Variants in NAALADL2 observed in about 807,000 individuals in gnomAD.
The protein encoded by NAALADL2 is inactive N-acetylated-alpha-linked acidic dipeptidase-like protein 2.
A neutral mutation model predicts 87.2 loss-of-function variants in NAALADL2; 76 were observed. That is an observed-to-expected ratio of 0.87 (90% CI 0.72 to 1.05). NAALADL2 has a LOEUF of 1.05. NAALADL2 is among the 50% of genes least tolerant of loss of function. The probability of loss-of-function intolerance (pLI) is 0.00; values close to 1 mark genes in which losing one functional copy is unlikely to be tolerated. For synonymous variants in NAALADL2, 354 were observed against 331.0 expected (o/e 1.07, Z -0.75); for missense variants, 1,089 against 945.8 (o/e 1.15, Z -1.99).
At chr3:174,685,699 A>G (rs1480521893) in intron 2 of NAALADL2, among the ~76,000 whole-genome samples, 1 of 151,924 alleles carries the variant, frequency 6.6e-6, no homozygotes, top group Non-Finnish European at 1.5e-5. Flanking sequence ...GTTCAGGGGT[A>G]CATTTGCAGA....
At chr3:175,314,562 AC>A (rs1446624506) in intron 4 of NAALADL2, among the ~76,000 whole-genome samples, 35 of 40,552 alleles carry the variant, frequency 8.6e-4, no homozygotes, top group Non-Finnish European at 1.3e-3. Flanking sequence ...TCACATTCTA[AC>A]TATATATATA....
chr3:175,620,155 C>T (rs2149697281), intron 10 of NAALADL2, among the ~76,000 whole-genome samples: 1 of 152,184 alleles, frequency 6.6e-6, no homozygotes, highest in African/African-American at 2.4e-5. Context: ...CCAGAAATGA[C>T]ATAGGATTCC....
chr3:175,034,005 T>C (rs1010736342), intron 1 of NAALADL2, among the ~76,000 whole-genome samples: 2 of 152,160 alleles, frequency 1.3e-5, no homozygotes, highest in African/African-American at 4.8e-5. Flanking sequence ...ATTCTTCTTG[T>C]AGTCTTCTCC....
intron 2 of NAALADL2, among the ~76,000 whole-genome samples, chr3:175,141,265 CTGAG>C (rs1246522446): frequency 6.6e-6 from 1 of 152,048 alleles, no homozygotes; most frequent in Non-Finnish European, 1.5e-5. Flanking sequence ...TGTTATCAAC[CTGAG>C]AATGTTCATA....
rs868082513 is a variant in NAALADL2, at chr3:174,812,209, A to G, written c.-9+74463A>G. Among the ~76,000 whole-genome samples, 3 of 152,252 alleles carry G rather than the reference A, an allele frequency of 2.0e-5. No individual in the cohort carries two copies. In the East Asian group the frequency reaches 5.8e-4, roughly 29 times the overall value. The stretch of plus-strand genomic sequence containing the variant: ...TGCTTATTGTTCTGAACCATATTTC[A>G]TGAGTCTATTTATATAGATCTTGCT... On this transcript the variant is annotated intron_variant, in intron 3 of 3. Coordinates refer to the NAALADL2 transcript ENST00000434257.
At chr3:175,761,749 T>A (rs1413114329) in intron 13 of NAALADL2, among the ~76,000 whole-genome samples, 1 of 152,220 alleles carries the variant, frequency 6.6e-6, no homozygotes, top group African/African-American at 2.4e-5. Context: ...CCCAATGATA[T>A]ATGATGTTTT....
intron 3 of NAALADL2, among the ~76,000 whole-genome samples, chr3:175,255,245 A>G (rs910740249): frequency 2.6e-5 from 4 of 152,228 alleles, no homozygotes; most frequent in Non-Finnish European, 5.9e-5. Context: ...GGCTGAAGAA[A>G]TATTTCATGC....
intron 11 of NAALADL2, among the ~76,000 whole-genome samples, chr3:175,638,013 G>A (rs1176995099): frequency 6.6e-6 from 1 of 151,926 alleles, no homozygotes; most frequent in Non-Finnish European, 1.5e-5. Context: ...TGTGACATTT[G>A]GAATAATTTT....
chr3:175,324,036 A>AAC (rs1760342262), intron 4 of NAALADL2, 139 bp from the exon 5 acceptor site: 1 of 652,830 alleles, frequency 1.5e-6, no homozygotes, highest in African/African-American at 2.1e-5. Flanking sequence ...AACAAAAAAA[A>AAC]AAAAAAAGAA....
intron 11 of NAALADL2, chr3:175,675,591 A>G (rs1734661831): frequency 6.6e-6 from 1 of 152,192 alleles, no homozygotes; most frequent in Non-Finnish European, 1.5e-5. Context: ...AATATAACCC[A>G]TTGAGGAGTG....
intron 5 of NAALADL2, among the ~76,000 whole-genome samples, chr3:175,336,697 A>T (rs567746271): frequency 1.3e-5 from 2 of 152,294 alleles, no homozygotes; most frequent in East Asian, 3.9e-4. Context: ...TTTATAATTG[A>T]ATTTTTGGTA....
At chr3:175,759,365 T>C (rs1212345849) in intron 13 of NAALADL2, among the ~76,000 whole-genome samples, 1 of 151,506 alleles carries the variant, frequency 6.6e-6, no homozygotes, top group Non-Finnish European at 1.5e-5. Flanking sequence ...TTTTTTTTTT[T>C]TTTTTCTTTT....
chr3:175,464,057 C>T (rs1723600645), intron 7 of NAALADL2, among the ~76,000 whole-genome samples: 2 of 151,950 alleles, frequency 1.3e-5, no homozygotes, highest in African/African-American at 4.8e-5. Context: ...GCTGGTCTTG[C>T]ACTCCTATCC....
intron 11 of NAALADL2, among the ~76,000 whole-genome samples, chr3:175,713,878 C>G (rs909150341): frequency 1.3e-5 from 2 of 152,096 alleles, no homozygotes; most frequent in African/African-American, 4.8e-5. Context: ...TACCCCTTCT[C>G]TAGCCCCCCA....
chr3:174,709,862 G>C (rs1260026788), intron 2 of NAALADL2, among the ~76,000 whole-genome samples: 1 of 152,186 alleles, frequency 6.6e-6, no homozygotes, highest in Non-Finnish European at 1.5e-5. Flanking sequence ...GGGCCGTATA[G>C]TGGAAATTTG....
intron 2 of NAALADL2, among the ~76,000 whole-genome samples, chr3:174,678,284 G>A (rs1350410334): frequency 6.6e-6 from 1 of 152,138 alleles, no homozygotes; most frequent in Non-Finnish European, 1.5e-5. Flanking sequence ...ATTAGGTGAT[G>A]CTGATAATGC....
chr3:175,008,367 T>C (rs1046181417), intron 1 of NAALADL2, among the ~76,000 whole-genome samples: 1 of 152,036 alleles, frequency 6.6e-6, no homozygotes, highest in Non-Finnish European at 1.5e-5. Context: ...GGTGGCCGAG[T>C]GAGACCTCGT....
chr3:175,457,702 TTG>T (rs58882040), intron 6 of NAALADL2, among the ~76,000 whole-genome samples: 142 of 150,890 alleles, frequency 9.4e-4, no homozygotes, highest in Middle Eastern at 3.4e-3. Flanking sequence ...TTTTTTTTTT[TTG>T]TAGAGACAAG....
intron 3 of NAALADL2, among the ~76,000 whole-genome samples, chr3:174,799,084 T>C (rs1718490054): frequency 6.6e-6 from 1 of 151,710 alleles, no homozygotes; most frequent in African/African-American, 2.4e-5. Context: ...GCAGGAGAAT[T>C]GCTTGAACCT....
Sources: allele counts gnomAD v4.1 joint callset (sites outside exome capture counted in the v4.1 genomes callset), GRCh38; gene constraint gnomAD v4.1.1; transcripts MANE v1.5; gene names NCBI Gene and HGNC (gene_info 2026-07-23, HGNC 2026-07-21).